The following SFMBT2 variants were observed in gnomAD, a reference collection of about 807,000 sequenced individuals.
SFMBT2 encodes scm-like with four MBT domains protein 2.
In SFMBT2, 38 loss-of-function variants were observed where a neutral mutation model predicts 110.1. That is an observed-to-expected ratio of 0.35 (90% CI 0.27 to 0.45). The LOEUF is 0.45. Among genes scored for constraint, SFMBT2 ranks in the 20% least tolerant of loss-of-function variants. SFMBT2 has a pLI of 1.00. For missense variants in SFMBT2, 1,011 were observed against 1,094.9 expected (o/e 0.92, Z 1.08); for synonymous variants, 425 against 425.4 (o/e 1.00, Z 0.01).
chr10:7,330,679 C>G (rs1049879151), intron 4 of SFMBT2, among the ~76,000 whole-genome samples: 1 of 152,214 alleles, frequency 6.6e-6, no homozygotes, highest in African/African-American at 2.4e-5. Flanking sequence ...CTCTGCTCCT[C>G]TCTTCCTCCC....
intron 2 of SFMBT2, among the ~76,000 whole-genome samples, chr10:7,375,036 C>T (rs1204846480): frequency 6.6e-6 from 1 of 152,218 alleles, no homozygotes; most frequent in African/African-American, 2.4e-5. Context: ...GACAATCTCC[C>T]TCCATGTAAA....
At chr10:7,270,683 A>T (rs575312103) in intron 7 of SFMBT2, among the ~76,000 whole-genome samples, 38 of 152,316 alleles carry the variant, frequency 2.5e-4, no homozygotes, top group African/African-American at 9.1e-4. Flanking sequence ...TTATGCACAA[A>T]ATACTGAATA....
In SFMBT2 at chr10:7,376,966, C is replaced by G. The variant is rs1029031651; in HGVS notation, c.100+4833G>C. Among the ~76,000 whole-genome samples, 7 of 150,914 alleles carry G rather than the reference C, an allele frequency of 4.6e-5. No individual in the cohort carries two copies. The South Asian group carries it at 6.2e-4, about 13-fold the overall frequency. ...CGGGCAAATCACGAGGTCAGGAGATCGAGACCGTCCTGGCTAACATGGTGA... is the reference window on the plus strand; with the variant it reads ...CGGGCAAATCACGAGGTCAGGAGATGGAGACCGTCCTGGCTAACATGGTGA... On this transcript the variant is annotated intron_variant, in intron 2 of 20. Coordinates refer to ENST00000397167, the MANE Select transcript of SFMBT2 (RefSeq NM_001387889.1).
intron 1 of SFMBT2, among the ~76,000 whole-genome samples, chr10:7,394,446 C>T (rs1186097697): frequency 2.0e-5 from 3 of 151,596 alleles, no homozygotes; most frequent in South Asian, 4.2e-4. Context: ...CTGGGGAACA[C>T]GCCACTTCCT....
intron 4 of SFMBT2, among the ~76,000 whole-genome samples, chr10:7,335,655 T>C (rs2131972006): frequency 6.7e-6 from 1 of 150,184 alleles, no homozygotes; most frequent in African/African-American, 2.5e-5. Flanking sequence ...ACACTTCATA[T>C]TAACTTAGAA....
At chr10:7,359,847 C>T (rs1336938065) in intron 4 of SFMBT2, among the ~76,000 whole-genome samples, 1 of 152,172 alleles carries the variant, frequency 6.6e-6, no homozygotes, top group Non-Finnish European at 1.5e-5. Context: ...CCATTTTAAT[C>T]TAAAGTCTTA....
Position 7,171,995 on chromosome 10 carries a change from C to A in SFMBT2, c.2315G>T (p.Arg772Leu). ...CCTTCGTGTCCTCTCTGGGGGTGGCCGGCGCACGGGCTCTGAGCCGCTCCG... is the reference window on the plus strand; with the variant it reads ...CCTTCGTGTCCTCTCTGGGGGTGGCAGGCGCACGGGCTCTGAGCCGCTCCG... ...TLRSGSEPVR[R>L]PPPERTRRGR... The change falls in exon 19 of 21, where the codon CGG becomes CTG. Residue 772 changes from arginine to leucine, a missense_variant. This residue lies in a region of SFMBT2 where 979 missense variants were observed against 1,016.1 expected (regional missense o/e 0.96). Coordinates refer to ENST00000397167, the MANE Select transcript of SFMBT2 (RefSeq NM_001387889.1). This position sits in a 1 kb window ranked among gnomAD's most constrained non-coding sequence, Gnocchi z 4.9. The A allele has an allele frequency of 6.4e-7, 1 of 1,554,292 alleles. No individual in the cohort carries two copies. Among genetic ancestry groups the A allele is most frequent in the Non-Finnish European group, 8.7e-7 (1 of 1,153,578 alleles).
intron 6 of SFMBT2, 31 bp downstream of exon 6, chr10:7,283,873 A>T (rs745926540): frequency 7.0e-7 from 1 of 1,426,248 alleles, no homozygotes; most frequent in South Asian, 1.2e-5. Flanking sequence ...TTTCTAAAAT[A>T]CTTTACAGCA....
intron 4 of SFMBT2, among the ~76,000 whole-genome samples, chr10:7,351,740 G>C (rs1844323864): frequency 6.6e-6 from 1 of 152,134 alleles, no homozygotes; most frequent in African/African-American, 2.4e-5. Flanking sequence ...ACGTGGCCGA[G>C]TGAGGAGCTA....
intron 1 of SFMBT2, among the ~76,000 whole-genome samples, 77 bp downstream of exon 1, chr10:7,410,784 G>A (rs1370840060): frequency 6.9e-6 from 1 of 143,942 alleles, no homozygotes; most frequent in Non-Finnish European, 1.5e-5. Context: ...CCTGACCAGC[G>A]CACTCAACCT....
chr10:7,172,009 T>C lies in SFMBT2; in HGVS notation c.2301A>G (p.Ser767=), dbSNP rs1287875798. 1.3e-6 allele frequency: 2 copies of C among 1,571,504 alleles called. No homozygotes were observed. The highest frequency in any genetic ancestry group is 1.4e-5 in the African/African-American group (1 of 73,840). ...PRRAVTLRSG[S]EPVRRPPPER... is the part of the protein sequence containing the mutation. ...CTGGGGGTGGCCGGCGCACGGGCTC[T>C]GAGCCGCTCCGCAGGGTGACGGCCC... Residue 767 remains serine, a synonymous_variant, in exon 19 of 21, where the codon TCA becomes TCG. Coordinates refer to ENST00000397167, the MANE Select transcript of SFMBT2 (RefSeq NM_001387889.1). The surrounding 1 kb of genome is among the most constrained non-coding windows in gnomAD (Gnocchi z 4.6).
intron 1 of SFMBT2, among the ~76,000 whole-genome samples, chr10:7,389,737 G>A (rs1845717386): frequency 6.6e-6 from 1 of 152,196 alleles, no homozygotes; most frequent in African/African-American, 2.4e-5. Context: ...TTTCTCATCA[G>A]TTCAATCAGA....
chr10:7,207,744 T>C (rs1200806364), intron 11 of SFMBT2, among the ~76,000 whole-genome samples: 1 of 152,220 alleles, frequency 6.6e-6, no homozygotes, highest in African/African-American at 2.4e-5. Context: ...CTTTTCATCG[T>C]CAAGTAGACA....
intron 13 of SFMBT2, 30 bp downstream of exon 13, chr10:7,202,450 G>A (rs772834077): frequency 1.2e-6 from 2 of 1,613,218 alleles, no homozygotes; most frequent in South Asian, 1.1e-5. Flanking sequence ...TCGGTATACA[G>A]TGTAGTCTGG....
chr10:7,393,450 T>A (rs1588507324), intron 1 of SFMBT2, among the ~76,000 whole-genome samples: 1 of 152,122 alleles, frequency 6.6e-6, no homozygotes, highest in Admixed American at 6.5e-5. Flanking sequence ...AGTTAAACAA[T>A]AATTAAATTG....
chr10:7,186,221 T>C (rs1838398934), intron 16 of SFMBT2, among the ~76,000 whole-genome samples: 1 of 151,840 alleles, frequency 6.6e-6, no homozygotes, highest in Admixed American at 6.6e-5. Context: ...TCTTTACTCT[T>C]AGGAGGTGGA....
At chr10:7,228,216 G>A (rs1295029202) in intron 9 of SFMBT2, 2 of 225,424 alleles carry the variant, frequency 8.9e-6, no homozygotes, top group East Asian at 1.8e-4. Context: ...TTGCCATAAG[G>A]GGGAAGAGCT....
rs542242407 is a variant in SFMBT2 at position 7,401,351 on chromosome 10, G to A, written c.-52+9510C>T. ...CATAACATTCGTGTTGACCTTCTCT[G>A]AGCAAATACATCCAGGTCAAAGGAC... On this transcript the variant is annotated intron_variant, in intron 1 of 20. Transcript: ENST00000397167. 4.6e-5 allele frequency among the ~76,000 whole-genome samples: 7 copies of A among 152,274 alleles called. No individual in the cohort carries two copies. The South Asian group carries it at 1.2e-3, about 27-fold the overall frequency.
intron 2 of SFMBT2, chr10:7,370,697 G>T: frequency 3.9e-6 from 1 of 259,664 alleles, no homozygotes; most frequent in Non-Finnish European, 6.0e-6. Context: ...AGCTGCAGTA[G>T]ACATCCCAGC....
Sources: allele counts gnomAD v4.1 joint callset (sites outside exome capture counted in the v4.1 genomes callset), GRCh38; gene constraint gnomAD v4.1.1; regional missense constraint gnomAD v4.1.1; non-coding constraint Gnocchi (gnomAD v3.1); transcripts MANE v1.5; gene names NCBI Gene and HGNC (gene_info 2026-07-23, HGNC 2026-07-21).